Variants in PTRH2 observed in about 807,000 individuals in gnomAD.
PTRH2 encodes the protein peptidyl-tRNA hydrolase 2, also known as peptidyl-tRNA hydrolase 2, mitochondrial.
PTRH2 carries 10 observed loss-of-function variants against 12.3 expected under a neutral mutation model. The ratio of observed to expected loss-of-function variants is 0.81; its 90% CI spans 0.50 to 1.38. The LOEUF (loss-of-function observed/expected upper bound fraction) is 1.38, where lower values mean the gene tolerates loss of function less well. Among genes scored for constraint, PTRH2 ranks in the 40% most tolerant of loss-of-function variants. PTRH2 has a pLI of 0.00. For missense variants in PTRH2, 176 were observed against 214.1 expected, an observed-to-expected ratio of 0.82 and a Z score of 1.11; for synonymous variants, 73 against 77.4, an observed-to-expected ratio of 0.94 and a Z score of 0.30.
intron 1 of PTRH2, among the ~76,000 whole-genome samples, chr17:59,701,606 T>C (rs1448674082): frequency 2.6e-5 from 4 of 152,234 alleles, no homozygotes; most frequent in Non-Finnish European, 1.5e-5. Flanking sequence ...GAAAAAGTCC[T>C]TTCTCTAATG....
rs898645242 is a variant in PTRH2, at chr17:59,699,980, G to A, written c.1-2002C>T. 5.7e-4 allele frequency: 87 copies of A among 152,276 alleles called. 5 individuals carry two copies. Among genetic ancestry groups the A allele is most frequent in the Non-Finnish European group, 2.9e-5 (2 of 68,070 alleles). The allele number at this position is 152,276 out of a possible 1,614,324, so 9.4% of individuals were successfully genotyped here. ...GGTAGAGGATGGGTTGTTGATTCCC[G>A]TGATCACATGGGTGACTGGGAGCTG... is the stretch of plus-strand genomic sequence containing the variant. On this transcript the variant is annotated intron_variant, in intron 1 of 1. Transcript: ENST00000393038.
chr17:59,706,042 T>C (rs745392004), intron 1 of PTRH2, among the ~76,000 whole-genome samples: 1 of 152,248 alleles, frequency 6.6e-6, no homozygotes, highest in Non-Finnish European at 1.5e-5. Context: ...CACATATTTT[T>C]GTTCTTTAGG....
In PTRH2 at chr17:59,697,822, C is replaced by G; in HGVS notation, c.157G>C (p.Glu53Gln). Residue 53 changes from glutamate (E) to glutamine (Q), a missense_variant, in exon 2 of 2, where the codon GAA becomes CAA. Transcript: ENST00000393038. ...TCTCCCAAGATGCTTGCTTCACTTT[C>G]AGTATCTGTGTGTGTCTTGCTCGTC... ...SKTSKTHTDT[E>Q]SEASILGDSG... The G allele has an allele frequency of 6.2e-7, 1 of 1,614,188 alleles. No individual in the cohort carries two copies. The highest frequency in any genetic ancestry group is 1.3e-5 in the African/African-American group (1 of 75,028).
chr17:59,699,955 G>A (rs1394372588), intron 1 of PTRH2: 1 of 152,288 alleles, frequency 6.6e-6, no homozygotes, highest in Non-Finnish European at 1.5e-5. Flanking sequence ...CACAGTACAC[G>A]GTAGAGGATG....
At position 59,697,928 on chromosome 17, in the gene PTRH2, G is replaced by A. The variant is rs147437736; in HGVS notation, c.51C>T (p.Leu17=). 263 of 1,613,936 alleles carry A rather than the reference G, an allele frequency of 1.6e-4. 1 individual carries two copies. In the African/African-American group the frequency reaches 2.1e-3, roughly 13 times the overall value. Residue 17 remains leucine, a synonymous_variant, in exon 2 of 2, where the codon CTC becomes CTT. Coordinates refer to ENST00000393038, the MANE Select transcript of PTRH2 (RefSeq NM_016077.5). The part of the protein sequence containing the change: ...VMEYLAHPST[L]GLAVGVACGM... ...CACAAGCAACTCCAACAGCCAAGCCGAGTGTACTGGGATGAGCCAAATATT... is the reference window on the plus strand; with the variant it reads ...CACAAGCAACTCCAACAGCCAAGCCAAGTGTACTGGGATGAGCCAAATATT...
intron 1 of PTRH2, chr17:59,698,843 G>A: frequency 1.4e-6 from 1 of 714,432 alleles, no homozygotes; most frequent in South Asian, 1.5e-5. Flanking sequence ...TACTGTAAGT[G>A]GAAAACAATG....
At chr17:59,701,895 A>G (rs894013403) in intron 1 of PTRH2, among the ~76,000 whole-genome samples, 42 of 148,574 alleles carry the variant, frequency 2.8e-4, no homozygotes, top group African/African-American at 7.7e-4. Flanking sequence ...TAGTAGAGAC[A>G]GGGTTTCACC....
At chr17:59,698,109 T>C in intron 1 of PTRH2, 131 bp from the exon 2 acceptor site, 1 of 893,302 alleles carries the variant, frequency 1.1e-6, no homozygotes, top group South Asian at 1.8e-5. Flanking sequence ...CCTTTGATCT[T>C]ATGCCTGCAC....
At chr17:59,703,328 A>C (rs2033587266) in intron 1 of PTRH2, among the ~76,000 whole-genome samples, 1 of 151,816 alleles carries the variant, frequency 6.6e-6, no homozygotes, top group Admixed American at 6.6e-5. Flanking sequence ...CCTGGCTCTC[A>C]ATTTATGGTA....
chr17:59,703,452 T>C (rs1231815169), intron 1 of PTRH2, among the ~76,000 whole-genome samples: 1 of 152,224 alleles, frequency 6.6e-6, no homozygotes, highest in African/African-American at 2.4e-5. Flanking sequence ...ACACAAGTTA[T>C]AGCTTGCCTA....
chr17:59,698,312 CA>C, intron 1 of PTRH2: 3 of 313,484 alleles, frequency 9.6e-6, no homozygotes, highest in Non-Finnish European at 1.8e-5. Flanking sequence ...TTAAAGAAAC[CA>C]AAAATAACCC....
In PTRH2 at chr17:59,697,818, C is replaced by G; in HGVS notation, c.161G>C (p.Ser54Thr). The change falls in exon 2 of 2, where the codon AGT becomes ACT. Residue 54 changes from serine (S) to threonine (T), a missense_variant. Transcript: ENST00000393038. ...KTSKTHTDTE[S>T]EASILGDSGE... is the part of the protein sequence containing the mutation. ...GCTGTCTCCCAAGATGCTTGCTTCA[C>G]TTTCAGTATCTGTGTGTGTCTTGCT... The G allele has an allele frequency of 6.2e-7, 1 of 1,614,218 alleles. No individual in the cohort carries two copies. Among genetic ancestry groups the G allele is most frequent in the South Asian group, 1.1e-5 (1 of 91,088 alleles).
chr17:59,698,346 C>T (rs779319066), intron 1 of PTRH2: 9 of 264,168 alleles, frequency 3.4e-5, no homozygotes, highest in East Asian at 9.0e-5. Context: ...CAGTGCTAAT[C>T]GGTGTTTTCA....
rs143173750 is a variant in PTRH2 at position 59,706,485 on chromosome 17, G to T, written c.-1+886C>A. ...GGATTACAGGCTGAGCCACCGCGCC[G>T]GGTCTGCAGTTTACAACCGAAAAAA... On this transcript the variant is annotated intron_variant, in intron 1 of 1. Transcript: ENST00000393038. Among the ~76,000 whole-genome samples, 33 of 150,444 alleles carry T rather than the reference G, an allele frequency of 2.2e-4. No individual in the cohort carries two copies. The East Asian group carries it at 4.8e-3, about 22-fold the overall frequency.
chr17:59,698,857 G>A (rs1175104155), intron 1 of PTRH2: 1 of 716,014 alleles, frequency 1.4e-6, no homozygotes, highest in Admixed American at 2.0e-5. Context: ...AACAATGGTT[G>A]TATGGGTACT....
intron 1 of PTRH2, chr17:59,699,168 C>T (rs532226939): frequency 2.5e-5 from 9 of 358,418 alleles, no homozygotes; most frequent in African/African-American, 4.2e-5. Flanking sequence ...TCAACTGTGG[C>T]GAATCTCTCG....
At chr17:59,700,339 G>GC (rs1329296484) in intron 1 of PTRH2, 2 of 152,152 alleles carry the variant, frequency 1.3e-5, no homozygotes, top group Non-Finnish European at 2.9e-5. Flanking sequence ...TATGTGGCAA[G>GC]CAACTATCAG....
At position 59,700,871 on chromosome 17, in the gene PTRH2, C is replaced by T. The variant is rs553931905; in HGVS notation, c.1-2893G>A. On this transcript the variant is annotated intron_variant, in intron 1 of 1. Transcript: ENST00000393038. ...GGATTTGAAGGCAGGAAAGTATTCC[C>T]CCTGAGGGAAGGAGCTCAGACAGAA... 10 of 152,188 alleles carry T rather than the reference C, an allele frequency of 6.6e-5. No individual in the cohort carries two copies. The Middle Eastern group carries it at 0.017, about 259-fold the overall frequency. 9.4% of individuals were successfully genotyped at this position (152,188 alleles called of 1,614,324 possible). A position where few individuals can be genotyped will look rare whatever the true frequency, so the allele number is the denominator to read the frequency against.
intron 1 of PTRH2, chr17:59,698,762 C>G (rs1384536898): frequency 4.6e-6 from 3 of 659,116 alleles, no homozygotes; most frequent in East Asian, 2.7e-5. Flanking sequence ...CATTAGCCTA[C>G]AGTTGGACAA....
Sources: allele counts gnomAD v4.1 joint callset (sites outside exome capture counted in the v4.1 genomes callset), GRCh38; gene constraint gnomAD v4.1.1; transcripts MANE v1.5; gene names NCBI Gene and HGNC (gene_info 2026-07-23, HGNC 2026-07-21).